The following ZNF467 variants were observed in gnomAD, a reference collection of about 807,000 sequenced individuals.
ZNF467 encodes the protein zinc finger protein 467.
A neutral mutation model predicts 47.8 loss-of-function variants in ZNF467; 51 were observed. The observed-to-expected ratio is 1.07, with a 90% CI of 0.85 to 1.35. ZNF467 has a LOEUF of 1.35. Ranked by LOEUF, ZNF467 falls within the 40% of genes most tolerant of loss-of-function variation. ZNF467 has a pLI of 0.00. For missense variants in ZNF467, 992 were observed against 858.1 expected, an observed-to-expected ratio of 1.16 and a Z score of -1.95; for synonymous variants, 416 against 372.9, an observed-to-expected ratio of 1.12 and a Z score of -1.33.
chr7:149,764,786 G>T lies in ZNF467; in HGVS notation c.1716C>A (p.Ala572=). ...CTGGGGCCGCAAGGGCGGCGTCCGG[G>T]GCCGCGTGGGCGGCTTCGCCGTGAA... is the stretch of plus-strand genomic sequence containing the variant. The part of the protein sequence containing the change: ...QLIHGEAAHA[A]PDAALAAPAW... The change falls in exon 5 of 5, where the codon GCC becomes GCA. Residue 572 remains alanine, a synonymous_variant. Transcript: ENST00000302017. The T allele has an allele frequency of 6.6e-7, 1 of 1,523,960 alleles. No individual in the cohort carries two copies. Among genetic ancestry groups the T allele is most frequent in the South Asian group, 1.3e-5 (1 of 76,918 alleles). 94.4% of individuals were successfully genotyped at this position (1,523,960 alleles called of 1,614,324 possible). A position where few individuals can be genotyped will look rare whatever the true frequency, so the allele number is the denominator to read the frequency against.
rs1322864403 is a variant in ZNF467 at position 149,765,810 on chromosome 7, A to T, written c.692T>A (p.Leu231Gln). The T allele has an allele frequency of 6.2e-7, 1 of 1,610,878 alleles. No homozygotes were observed. The highest frequency in any genetic ancestry group is 1.3e-5 in the African/African-American group (1 of 74,856). ...CDKRFSKKAH[L>Q]TRHLRTHTGE... The stretch of plus-strand genomic sequence containing the variant: ...CGTGTGCGTGCGCAGGTGGCGGGTC[A>T]GATGGGCCTTCTTGCTGAAGCGCTT... Residue 231 changes from leucine (L) to glutamine (Q), a missense_variant, in exon 5 of 5, where the codon CTG becomes CAG. Leu to Gln is a moderately radical substitution (Grantham distance 113, BLOSUM62 -2). Transcript: ENST00000302017.
chr7:149,771,106 T>C (rs1029608162), intron 1 of ZNF467, 32 bp from the exon 2 acceptor site: 2 of 1,602,624 alleles, frequency 1.2e-6, no homozygotes, highest in Non-Finnish European at 1.7e-6. Context: ...GTTCAGATTT[T>C]TCCCACGCCA....
At chr7:149,776,457 G>A, upstream of ZNF467, 1 of 1,341,776 alleles carries the variant, frequency 7.5e-7, no homozygotes, top group Non-Finnish European at 9.9e-7. Flanking sequence ...TGGGCTGGCG[G>A]CTGGACCTGC....
intron 1 of ZNF467, among the ~76,000 whole-genome samples, chr7:149,772,004 C>T (rs1382793151): frequency 6.8e-6 from 1 of 147,664 alleles, no homozygotes; most frequent in Non-Finnish European, 1.5e-5. Context: ...CCTTTCCCTA[C>T]CCTCCCGGTT....
At chr7:149,774,099 G>A (rs1242991509), upstream of ZNF467, among the ~76,000 whole-genome samples, 1 of 151,770 alleles carries the variant, frequency 6.6e-6, no homozygotes, top group Non-Finnish European at 1.5e-5. This position sits in a 1 kb window ranked among gnomAD's most constrained non-coding sequence, Gnocchi z 5.7. Context: ...GAGGGTCTGG[G>A]AGGGGGCTGC....
chr7:149,772,963 C>A (rs1264634519), intron 1 of ZNF467, 145 bp downstream of exon 1: 7 of 147,190 alleles, frequency 4.8e-5, no homozygotes, highest in Non-Finnish European at 9.0e-5. Flanking sequence ...CCCCGACCTC[C>A]CCGGACCCGC....
At chr7:149,771,314 C>T (rs568555520) in intron 1 of ZNF467, among the ~76,000 whole-genome samples, 17 of 152,320 alleles carry the variant, frequency 1.1e-4, no homozygotes, top group African/African-American at 4.1e-4. Context: ...GCGCCACCCC[C>T]TCACCTGGCA....
At chr7:149,774,725 A>G (rs1203876723), upstream of ZNF467, among the ~76,000 whole-genome samples, 4 of 152,040 alleles carry the variant, frequency 2.6e-5, no homozygotes, top group Non-Finnish European at 5.9e-5. The surrounding 1 kb of genome is among the most constrained non-coding windows in gnomAD (Gnocchi z 5.7). Flanking sequence ...GTAAAACAGG[A>G]AAGGGGGGTG....
chr7:149,774,460 C>T (rs1234897567), upstream of ZNF467, among the ~76,000 whole-genome samples: 1 of 152,180 alleles, frequency 6.6e-6, no homozygotes, highest in Non-Finnish European at 1.5e-5. The surrounding 1 kb of genome is among the most constrained non-coding windows in gnomAD (Gnocchi z 5.7). Flanking sequence ...GCTGCCTGAT[C>T]AGCCCCGGTT....
upstream of ZNF467, among the ~76,000 whole-genome samples, chr7:149,775,794 C>G (rs112947860): frequency 1.4e-3 from 210 of 152,052 alleles, no homozygotes; most frequent in Non-Finnish European, 2.3e-3. Flanking sequence ...AGGAAGGAGA[C>G]TGTTTCCAGG....
At chr7:149,771,872 G>C (rs1245989428) in intron 1 of ZNF467, among the ~76,000 whole-genome samples, 2 of 69,884 alleles carry the variant, frequency 2.9e-5, no homozygotes, top group African/African-American at 5.9e-5. Flanking sequence ...GCCCGAGCCC[G>C]GCAGGGCCAA....
chr7:149,771,346 G>A (rs1799400034), intron 1 of ZNF467, among the ~76,000 whole-genome samples: 1 of 152,124 alleles, frequency 6.6e-6, no homozygotes, highest in Non-Finnish European at 1.5e-5. Context: ...GCCAACCCCG[G>A]CCCATCAGCA....
Position 149,771,079 on chromosome 7 carries a change from G to A in ZNF467, c.-42-5C>T, listed in dbSNP as rs1799390774. 2 of 1,613,306 alleles carry A rather than the reference G, an allele frequency of 1.2e-6. No individual in the cohort carries two copies. Among genetic ancestry groups the A allele is most frequent in the African/African-American group, 1.3e-5 (1 of 74,894 alleles). On this transcript the variant is annotated splice_region_variant and splice_polypyrimidine_tract_variant and intron_variant, in intron 1 of 4. Transcript: ENST00000302017. Reference sequence around the variant, plus strand: ...CTGGGGATCAGGCCACAGAACCTATGGAGAAAAGACAGCCTTGTTCAGATT... The same window carrying A: ...CTGGGGATCAGGCCACAGAACCTATAGAGAAAAGACAGCCTTGTTCAGATT...
At chr7:149,767,289 G>C (rs1247303520) in intron 4 of ZNF467, among the ~76,000 whole-genome samples, 1 of 152,246 alleles carries the variant, frequency 6.6e-6, no homozygotes, top group Non-Finnish European at 1.5e-5. Context: ...GCACAAATGG[G>C]GGCAAGGCCC....
chr7:149,770,403 C>T, intron 3 of ZNF467, 37 bp downstream of exon 3: 2 of 1,492,012 alleles, frequency 1.3e-6, no homozygotes, highest in South Asian at 1.2e-5. Context: ...AGCAGGGGGA[C>T]TCCTCCCTGA....
chr7:149,764,346 T>C lies in ZNF467; in HGVS notation c.*368A>G. The C allele has an allele frequency of 1.9e-6, 1 of 525,052 alleles. No homozygotes were observed. The highest frequency in any genetic ancestry group is 3.3e-6 in the Non-Finnish European group (1 of 298,608). The allele number at this position is 525,052 out of a possible 1,614,324, so 32.5% of individuals were successfully genotyped here. On this transcript the variant is annotated 3_prime_UTR_variant, in exon 5 of 5. Transcript: ENST00000302017. ...GTCAGGTGTTCCCTCCCCCAATTCA[T>C]TTAGCAGCCCCAGAACTTTCCGATT...
upstream of ZNF467, among the ~76,000 whole-genome samples, chr7:149,773,845 A>G (rs1018876739): frequency 3.9e-4 from 59 of 151,854 alleles, no homozygotes; most frequent in African/African-American, 1.4e-3. Flanking sequence ...ACCCCGATCC[A>G]CCCAGACCCG....
chr7:149,773,395 T>C lies in ZNF467; in HGVS notation c.-330A>G. 6.9e-6 allele frequency: 1 copy of C among 144,432 alleles called. No individual in the cohort carries two copies. Among genetic ancestry groups the C allele is most frequent in the Non-Finnish European group, 1.5e-5 (1 of 66,234 alleles). The allele number at this position is 144,432 out of a possible 1,614,324, so 8.9% of individuals were successfully genotyped here. The stretch of plus-strand genomic sequence containing the variant: ...GGGGCAGGGGGTTTCAGGAGTGGGG[T>C]CCCAGGAGGGAGCACCGTGGGCTTA... On this transcript the variant is annotated 5_prime_UTR_variant, in exon 1 of 5. Transcript: ENST00000302017.
chr7:149,765,541 C>A lies in ZNF467; in HGVS notation c.961G>T (p.Val321Leu). Residue 321 changes from valine (V) to leucine (L), a missense_variant, in exon 5 of 5, where the codon GTG becomes TTG. Physicochemically the swap from Val to Leu is conservative, Grantham distance 32. Transcript: ENST00000302017. ...HKQHLVRHQRVHQTAGPARPS... is the reference protein window; with the variant it reads ...HKQHLVRHQRLHQTAGPARPS... Reference sequence around the variant, plus strand: ...CTGGCCGGGCCGGCCGTCTGGTGCACCCTTTGGTGCCGCACCAAGTGCTGC... The same window carrying A: ...CTGGCCGGGCCGGCCGTCTGGTGCAACCTTTGGTGCCGCACCAAGTGCTGC... 6.3e-7 allele frequency: 1 copy of A among 1,581,020 alleles called. No homozygotes were observed. Among genetic ancestry groups the A allele is most frequent in the Non-Finnish European group, 8.6e-7 (1 of 1,163,708 alleles).
Sources: allele counts gnomAD v4.1 joint callset (sites outside exome capture counted in the v4.1 genomes callset), GRCh38; gene constraint gnomAD v4.1.1; non-coding constraint Gnocchi (gnomAD v3.1); transcripts MANE v1.5; gene names NCBI Gene and HGNC (gene_info 2026-07-23, HGNC 2026-07-21).